The following ATRNL1 variants were observed in gnomAD, a reference collection of about 807,000 sequenced individuals.
ATRNL1 encodes the protein attractin like 1.
Under a neutral mutation model 182.7 loss-of-function variants are expected in ATRNL1, and 95 were observed. The ratio of observed to expected loss-of-function variants is 0.52; its 90% CI spans 0.44 to 0.62. The LOEUF (loss-of-function observed/expected upper bound fraction) is 0.62, where lower values mean the gene tolerates loss of function less well. ATRNL1 is among the 20% of genes least tolerant of loss of function. The pLI is 0.00. For synonymous variants in ATRNL1, 576 were observed against 568.3 expected, an observed-to-expected ratio of 1.01 and a Z score of -0.19; for missense variants, 1,471 against 1,679.5, an observed-to-expected ratio of 0.88 and a Z score of 2.17.
chr10:115,594,705 A>C lies in ATRNL1; in HGVS notation c.3795+45169A>C, dbSNP rs551343981. Among the ~76,000 whole-genome samples the C allele has an allele frequency of 2.0e-5, 3 of 152,260 alleles. No homozygotes were observed. The South Asian group carries it at 6.2e-4, about 32-fold the overall frequency. ...TTTTTAATGGAGATGAGGTTTCCTC[A>C]TGTTGGCCAGGCTGGTCTTAAACTC... On this transcript the variant is annotated intron_variant, in intron 26 of 28. Transcript: ENST00000355044.
chr10:115,621,997 G>A (rs548129859), intron 26 of ATRNL1, among the ~76,000 whole-genome samples: 6 of 152,300 alleles, frequency 3.9e-5, no homozygotes, highest in Non-Finnish European at 8.8e-5. Flanking sequence ...AGACACTAAA[G>A]GTGAGGTGTG....
chr10:115,363,048 G>A (rs1254543912), intron 19 of ATRNL1, among the ~76,000 whole-genome samples: 2 of 151,310 alleles, frequency 1.3e-5, no homozygotes, highest in African/African-American at 2.4e-5. Context: ...TAATGGGATG[G>A]CTGGGTCAAA....
chr10:115,365,690 G>A (rs868936602), intron 19 of ATRNL1, among the ~76,000 whole-genome samples: 1,628 of 151,604 alleles, frequency 0.011, 12 homozygotes, highest in South Asian at 0.033. Flanking sequence ...ACACTGCTTT[G>A]AATGCGTCCC....
intron 24 of ATRNL1, among the ~76,000 whole-genome samples, chr10:115,510,360 C>G (rs972731297): frequency 2.6e-5 from 4 of 151,976 alleles, no homozygotes; most frequent in African/African-American, 9.7e-5. Flanking sequence ...TGCAGTCAGT[C>G]ATTGTGGCAA....
chr10:115,719,225 A>T (rs1396428508), intron 26 of ATRNL1, among the ~76,000 whole-genome samples: 1 of 152,236 alleles, frequency 6.6e-6, no homozygotes, highest in Non-Finnish European at 1.5e-5. Context: ...TTGACAAGGC[A>T]TTAAGACTTT....
chr10:115,637,055 G>A (rs1555028438), intron 26 of ATRNL1, among the ~76,000 whole-genome samples: 1 of 152,150 alleles, frequency 6.6e-6, no homozygotes, highest in Non-Finnish European at 1.5e-5. Context: ...ACCTCAAGAA[G>A]CTCCTTAAAA....
chr10:115,360,157 A>G (rs1554943815), intron 19 of ATRNL1, among the ~76,000 whole-genome samples: 1 of 151,748 alleles, frequency 6.6e-6, no homozygotes, highest in African/African-American at 2.4e-5. Context: ...AAAAAGAAAA[A>G]AATAACTACC....
At chr10:115,418,424 T>A (rs2134365734) in intron 20 of ATRNL1, among the ~76,000 whole-genome samples, 1 of 151,896 alleles carries the variant, frequency 6.6e-6, no homozygotes, top group East Asian at 1.9e-4. Context: ...ACCAAAAGAA[T>A]GAAAAGGGCC....
At chr10:115,781,949 G>A (rs563606016) in intron 27 of ATRNL1, among the ~76,000 whole-genome samples, 2 of 152,168 alleles carry the variant, frequency 1.3e-5, no homozygotes, top group South Asian at 4.1e-4. Flanking sequence ...TTATTCTGTT[G>A]CCTTTTTGCC....
intron 28 of ATRNL1, among the ~76,000 whole-genome samples, chr10:115,916,984 G>T (rs1332077466): frequency 6.6e-6 from 1 of 152,192 alleles, no homozygotes; most frequent in Non-Finnish European, 1.5e-5. Context: ...TAAGTTCCCA[G>T]TTTTCACTTT....
chr10:115,948,699 T>C lies in ATRNL1; in HGVS notation c.*3920T>C, dbSNP rs1423309900. The stretch of plus-strand genomic sequence containing the variant: ...TCTCTAAATAACAAAGTTATTACTC[T>C]AATTCAAAATGCTTTAAAGAATTTT... On this transcript the variant is annotated 3_prime_UTR_variant, in exon 29 of 29. Coordinates refer to ENST00000355044, the MANE Select transcript of ATRNL1 (RefSeq NM_207303.4). 2.0e-5 allele frequency: 3 copies of C among 152,178 alleles called. No individual in the cohort carries two copies. The highest frequency in any genetic ancestry group is 7.2e-5 in the African/African-American group (3 of 41,396). 9.4% of individuals were successfully genotyped at this position (152,178 alleles called of 1,614,324 possible). A position where few individuals can be genotyped will look rare whatever the true frequency, so the allele number is the denominator to read the frequency against.
chr10:115,870,001 A>G (rs552376508), intron 28 of ATRNL1, among the ~76,000 whole-genome samples: 21 of 126,672 alleles, frequency 1.7e-4, no homozygotes, highest in Non-Finnish European at 2.3e-4. Flanking sequence ...TTGGTGTTAT[A>G]AATAACGCCA....
intron 1 of ATRNL1, among the ~76,000 whole-genome samples, chr10:115,113,340 T>G (rs1321971587): frequency 6.6e-6 from 1 of 152,316 alleles, no homozygotes; most frequent in East Asian, 1.9e-4. Flanking sequence ...AGGGCAATTT[T>G]GTGAGAGTTT....
chr10:115,615,886 G>A (rs764553481), intron 26 of ATRNL1, among the ~76,000 whole-genome samples: 10 of 152,096 alleles, frequency 6.6e-5, no homozygotes, highest in Non-Finnish European at 1.2e-4. Context: ...ATAGCAATGC[G>A]AGAATGGACT....
chr10:115,864,646 C>T (rs114378756), intron 28 of ATRNL1, among the ~76,000 whole-genome samples: 2,621 of 152,236 alleles, frequency 0.017, 88 homozygotes, highest in African/African-American at 0.06. Flanking sequence ...AGCAAAATAT[C>T]ACTTCTGTGG....
At chr10:115,531,852 G>A (rs1157444645) in intron 25 of ATRNL1, among the ~76,000 whole-genome samples, 2 of 144,258 alleles carry the variant, frequency 1.4e-5, no homozygotes, top group African/African-American at 2.5e-5. Flanking sequence ...CGTATGGCTA[G>A]CCAGTTTTCC....
intron 8 of ATRNL1, among the ~76,000 whole-genome samples, chr10:115,186,724 T>G (rs1408422389): frequency 6.6e-6 from 1 of 152,010 alleles, no homozygotes; most frequent in Non-Finnish European, 1.5e-5. Flanking sequence ...TGAGGATGAT[T>G]AATGGGTGCA....
intron 27 of ATRNL1, among the ~76,000 whole-genome samples, chr10:115,767,503 C>T (rs1046674819): frequency 3.6e-4 from 55 of 152,212 alleles, no homozygotes; most frequent in African/African-American, 1.3e-3. Flanking sequence ...AGCTGAGAGT[C>T]CCCTGTTGAG....
At chr10:115,169,500 T>G (rs1483159740) in intron 7 of ATRNL1, among the ~76,000 whole-genome samples, 5 of 152,102 alleles carry the variant, frequency 3.3e-5, no homozygotes, top group African/African-American at 1.2e-4. Flanking sequence ...TGAGCCACCA[T>G]GCCCAACCTA....
Sources: allele counts gnomAD v4.1 joint callset (sites outside exome capture counted in the v4.1 genomes callset), GRCh38; gene constraint gnomAD v4.1.1; transcripts MANE v1.5; gene names NCBI Gene and HGNC (gene_info 2026-07-23, HGNC 2026-07-21).